RAMP1: variants seen among roughly 807,000 people sequenced by gnomAD.
RAMP1 encodes the protein receptor activity modifying protein 1.
RAMP1 carries 7 observed loss-of-function variants against 8.2 expected under a neutral mutation model. The observed-to-expected ratio is 0.85, with a 90% confidence interval of 0.49 to 1.60. The LOEUF (loss-of-function observed/expected upper bound fraction) is 1.60. RAMP1 is among the 40% of genes most tolerant of loss of function. The probability of loss-of-function intolerance (pLI) is 0.00; values close to 1 mark genes in which losing one functional copy is unlikely to be tolerated. For synonymous variants in RAMP1, 92 were observed against 84.7 expected, an observed-to-expected ratio of 1.09 and a Z score of -0.47; for missense variants, 192 against 202.4, an observed-to-expected ratio of 0.95 and a Z score of 0.31.
chr2:237,885,787 C>T (rs547081419), intron 2 of RAMP1, among the ~76,000 whole-genome samples: 1 of 152,232 alleles, frequency 6.6e-6, no homozygotes, highest in African/African-American at 2.4e-5. Flanking sequence ...GGCTAGATGT[C>T]TGTTCCCCCA....
At chr2:237,897,682 T>G (rs1264996989) in intron 2 of RAMP1, among the ~76,000 whole-genome samples, 1 of 151,658 alleles carries the variant, frequency 6.6e-6, no homozygotes, top group African/African-American at 2.4e-5. Flanking sequence ...TGGTGAGGCT[T>G]CTTGTTTACA....
chr2:237,871,999 G>A (rs1281462344), intron 1 of RAMP1, among the ~76,000 whole-genome samples: 1 of 152,218 alleles, frequency 6.6e-6, no homozygotes, highest in Non-Finnish European at 1.5e-5. Flanking sequence ...GCGTGTTTTA[G>A]AAGAGAAAAA....
intron 2 of RAMP1, among the ~76,000 whole-genome samples, chr2:237,893,970 C>CTT (rs71039788): frequency 0.12 from 11,974 of 104,080 alleles, 1,501 homozygotes; most frequent in African/African-American, 0.27. Flanking sequence ...AAAATACTTT[C>CTT]TTTTTTTTTT....
chr2:237,891,051 A>G (rs2062482485), intron 2 of RAMP1, among the ~76,000 whole-genome samples: 1 of 152,116 alleles, frequency 6.6e-6, no homozygotes, highest in Non-Finnish European at 1.5e-5. Flanking sequence ...ACTTTTCTTG[A>G]AAATAATAAA....
chr2:237,872,410 C>A (rs982869932), intron 1 of RAMP1, among the ~76,000 whole-genome samples: 1 of 152,182 alleles, frequency 6.6e-6, no homozygotes, highest in Non-Finnish European at 1.5e-5. Flanking sequence ...GTGGGACTCA[C>A]GCGTGCCCAG....
chr2:237,886,330 C>T (rs1461701143), intron 2 of RAMP1, among the ~76,000 whole-genome samples: 2 of 152,220 alleles, frequency 1.3e-5, no homozygotes, highest in Non-Finnish European at 2.9e-5. Flanking sequence ...GCTCAGAGTC[C>T]TTGGCAGCCG....
chr2:237,908,341 T>C (rs990508899), intron 2 of RAMP1, among the ~76,000 whole-genome samples: 1 of 151,910 alleles, frequency 6.6e-6, no homozygotes, highest in African/African-American at 2.4e-5. Flanking sequence ...CTACCCCTCT[T>C]CCCTGTGGCA....
At chr2:237,863,631 G>A (rs1443817711) in intron 1 of RAMP1, among the ~76,000 whole-genome samples, 1 of 152,138 alleles carries the variant, frequency 6.6e-6, no homozygotes, top group African/African-American at 2.4e-5. Context: ...CATCCGAAAG[G>A]CATCACTTTA....
intron 2 of RAMP1, among the ~76,000 whole-genome samples, chr2:237,882,156 C>T (rs73092517): frequency 0.09 from 13,763 of 152,196 alleles, 666 homozygotes; most frequent in Middle Eastern, 0.17. Flanking sequence ...CTCTGCTCCC[C>T]GTGACCTGAG....
intron 2 of RAMP1, among the ~76,000 whole-genome samples, chr2:237,911,125 C>T (rs2062708276): frequency 6.6e-6 from 1 of 152,238 alleles, no homozygotes; most frequent in Non-Finnish European, 1.5e-5. Flanking sequence ...ATAACAGTTA[C>T]AGTCACATAC....
upstream of RAMP1, chr2:237,859,228 A>C (rs1183399396): frequency 6.6e-6 from 1 of 152,306 alleles, no homozygotes; most frequent in African/African-American, 2.4e-5. Context: ...GGAGAGGTAG[A>C]TAAGGCTGGG....
Position 237,877,856 on chromosome 2 carries a change from C to A in RAMP1, c.191+494C>A. ...CCCACAGCCCCCAGCAGGACGGCTT[C>A]AGCCGAACCCTTCCCCACCTGGCCC... On this transcript the variant is annotated intron_variant, in intron 2 of 2. Transcript: ENST00000254661. This position sits in a 1 kb window ranked among gnomAD's most constrained non-coding sequence, Gnocchi z 4.4. 1.5e-6 allele frequency: 1 copy of A among 673,040 alleles called. No homozygotes were observed. Among genetic ancestry groups the A allele is most frequent in the Non-Finnish European group, 1.8e-6 (1 of 545,004 alleles). 41.7% of individuals were successfully genotyped at this position (673,040 alleles called of 1,614,324 possible).
rs1385247270 is a variant in RAMP1, at chr2:237,872,960, C to G, written c.53-4264C>G. Among the ~76,000 whole-genome samples the G allele has an allele frequency of 2.0e-5, 3 of 152,212 alleles. No individual in the cohort carries two copies. In the South Asian group the frequency reaches 6.2e-4, roughly 31 times the overall value. On this transcript the variant is annotated intron_variant, in intron 1 of 2. Coordinates refer to ENST00000254661, the MANE Select transcript of RAMP1 (RefSeq NM_005855.4). ...GCCTAAGCCTAAGGAGGTCAAGACT[C>G]TGCAGTAAGCCATGATTGTGCTGCT...
chr2:237,883,949 T>C, intron 2 of RAMP1, among the ~76,000 whole-genome samples: 1 of 118,830 alleles, frequency 8.4e-6, no homozygotes, highest in South Asian at 2.9e-4. Flanking sequence ...GCATTCAGGG[T>C]TTGTAGCCAC....
intron 1 of RAMP1, among the ~76,000 whole-genome samples, chr2:237,874,376 G>A (rs539033417): frequency 5.9e-5 from 9 of 152,340 alleles, no homozygotes; most frequent in East Asian, 1.9e-4. Context: ...GGAGCAGCTC[G>A]GCCTCCGCAC....
In RAMP1 at chr2:237,877,116, G is replaced by C; in HGVS notation, c.53-108G>C. ...AGTCGCCCTCTCCAGGGGTTGCTTA[G>C]AGGCCCCGTTCTCGTGGAGTCCGGG... On this transcript the variant is annotated intron_variant, in intron 1 of 2. Coordinates refer to ENST00000254661, the MANE Select transcript of RAMP1 (RefSeq NM_005855.4). The surrounding 1 kb of genome is among the most constrained non-coding windows in gnomAD (Gnocchi z 4.4). 7.0e-7 allele frequency: 1 copy of C among 1,438,612 alleles called. No individual in the cohort carries two copies. The highest frequency in any genetic ancestry group is 9.6e-7 in the Non-Finnish European group (1 of 1,038,756). 89.1% of individuals were successfully genotyped at this position (1,438,612 alleles called of 1,614,324 possible).
intron 2 of RAMP1, among the ~76,000 whole-genome samples, chr2:237,890,350 C>T (rs977452046): frequency 1.3e-5 from 2 of 151,964 alleles, no homozygotes; most frequent in African/African-American, 2.4e-5. Context: ...TACAGGCACT[C>T]ACCACCACGC....
chr2:237,902,316 G>GA (rs1559953306), intron 2 of RAMP1, among the ~76,000 whole-genome samples: 33 of 144,868 alleles, frequency 2.3e-4, no homozygotes, highest in Non-Finnish European at 4.7e-4. Flanking sequence ...GGGCTGGGAG[G>GA]AGGAGGGAGG....
At position 237,911,998 on chromosome 2, in the gene RAMP1, G is replaced by A. The variant is rs2062721311; in HGVS notation, c.*215G>A. On this transcript the variant is annotated 3_prime_UTR_variant, in exon 3 of 3. Coordinates refer to ENST00000254661, the MANE Select transcript of RAMP1 (RefSeq NM_005855.4). ...AGGCCACCGCCACCCTAGGAAGGGGGCAGGGACGTGACCTTGACTTACCTC... is the reference window on the plus strand; with the variant it reads ...AGGCCACCGCCACCCTAGGAAGGGGACAGGGACGTGACCTTGACTTACCTC... The A allele has an allele frequency of 7.9e-6, 6 of 756,314 alleles. No homozygotes were observed. The East Asian group carries it at 1.1e-4, about 14-fold the overall frequency. 46.9% of individuals were successfully genotyped at this position (756,314 alleles called of 1,614,324 possible).
Sources: gnomAD v4.1 joint callset for allele counts (sites outside exome capture counted in the v4.1 genomes callset) on GRCh38, gnomAD v4.1.1 for gene constraint, Gnocchi (gnomAD v3.1) non-coding constraint, MANE v1.5 for transcripts, NCBI Gene and HGNC (gene_info 2026-07-23, HGNC 2026-07-21) for gene names.